The following CACNA1B variants were observed in gnomAD, a reference collection of about 807,000 sequenced individuals.
CACNA1B encodes voltage-dependent N-type calcium channel subunit alpha-1B.
CACNA1B carries 70 observed loss-of-function variants against 247.2 expected under a neutral mutation model. That is an observed-to-expected ratio of 0.28 (90% CI 0.23 to 0.35). The LOEUF (loss-of-function observed/expected upper bound fraction) is 0.35. CACNA1B is among the 10% of genes least tolerant of loss of function. The probability of loss-of-function intolerance (pLI) is 1.00; values close to 1 mark genes in which losing one functional copy is unlikely to be tolerated. For synonymous variants in CACNA1B, 1,231 were observed against 1,294.4 expected (o/e 0.95, Z 1.05); for missense variants, 2,367 against 3,197.4 (o/e 0.74, Z 6.26).
Position 138,051,963 on chromosome 9 carries a change from C to T in CACNA1B, c.3711-129C>T, listed in dbSNP as rs1380581305. The stretch of plus-strand genomic sequence containing the variant: ...CCTGCAGGGCAAGGCCTCTCTGCTC[C>T]TGGGTCCTCCACCCTGGAGTCTGAG... On this transcript the variant is annotated intron_variant, in intron 24 of 46. Coordinates refer to ENST00000371372, the MANE Select transcript of CACNA1B (RefSeq NM_000718.4). This position sits in a 1 kb window ranked among gnomAD's most constrained non-coding sequence, Gnocchi z 4.3. The T allele has an allele frequency of 1.7e-6, 1 of 599,622 alleles. No homozygotes were observed. The highest frequency in any genetic ancestry group is 3.0e-6 in the Non-Finnish European group (1 of 330,454). 37.1% of individuals were successfully genotyped at this position (599,622 alleles called of 1,614,324 possible). A position where few individuals can be genotyped will look rare whatever the true frequency, so the allele number is the denominator to read the frequency against.
rs28544504 is a variant in CACNA1B at position 138,122,481 on chromosome 9, G to A, written c.*482G>A. 6,357 of 161,270 alleles carry A rather than the reference G, an allele frequency of 0.039. 423 individuals are homozygous for A. Among genetic ancestry groups the A allele is most frequent in the African/African-American group, 0.14 (5,793 of 41,766 alleles). The allele number at this position is 161,270 out of a possible 1,614,324, so 10.0% of individuals were successfully genotyped here. A position where few individuals can be genotyped will look rare whatever the true frequency, so the allele number is the denominator to read the frequency against. On this transcript the variant is annotated 3_prime_UTR_variant, in exon 47 of 47. Coordinates refer to ENST00000371372, the MANE Select transcript of CACNA1B (RefSeq NM_000718.4). ...GACACAGTCGTGGCTTGTGCAGCCCGCCAGTGTCAGCGAATGCTCACTCAG... is the reference window on the plus strand; with the variant it reads ...GACACAGTCGTGGCTTGTGCAGCCCACCAGTGTCAGCGAATGCTCACTCAG...
At chr9:137,932,364 T>A (rs1957617591) in intron 6 of CACNA1B, among the ~76,000 whole-genome samples, 1 of 152,214 alleles carries the variant, frequency 6.6e-6, no homozygotes. Context: ...TTTTGGGAGC[T>A]AAATAACAAG....
At position 138,054,370 on chromosome 9, in the gene CACNA1B, C is replaced by T. The variant is rs546381743; in HGVS notation, c.3968+364C>T. ...GGGCTGTAAGGTCAGAGGGGCTGCC[C>T]GATGGCTGGAGCTGCTGTCACTGTC... On this transcript the variant is annotated intron_variant, in intron 26 of 46. Coordinates refer to ENST00000371372, the MANE Select transcript of CACNA1B (RefSeq NM_000718.4). This position sits in a 1 kb window ranked among gnomAD's most constrained non-coding sequence, Gnocchi z 4.6. Among the ~76,000 whole-genome samples, 10 of 152,304 alleles carry T rather than the reference C, an allele frequency of 6.6e-5. No homozygotes were observed. The highest frequency in any genetic ancestry group is 5.8e-4 in the East Asian group (3 of 5,184).
At chr9:137,924,331 CCCTTCCTTCCTCCTTCCCTCCCT>C (rs1957526664) in intron 6 of CACNA1B, among the ~76,000 whole-genome samples, 1 of 148,840 alleles carries the variant, frequency 6.7e-6, no homozygotes, top group Non-Finnish European at 1.5e-5. Flanking sequence ...CTTCCTCCCT[CCCTTCCTTCCTCCTTCCCTCCCT>C]CCTTCCCTCC....
chr9:138,067,046 G>A (rs563847949), intron 31 of CACNA1B, among the ~76,000 whole-genome samples: 108 of 152,288 alleles, frequency 7.1e-4, no homozygotes, highest in African/African-American at 2.4e-3. Flanking sequence ...GGTCATGATG[G>A]TAGGTACAGG....
At chr9:138,053,711 C>A in intron 25 of CACNA1B, 135 bp from the exon 26 acceptor site, 1 of 686,074 alleles carries the variant, frequency 1.5e-6, no homozygotes, top group Non-Finnish European at 2.6e-6. Flanking sequence ...TCCCTTACGG[C>A]CATGCCCTCC....
chr9:138,022,805 T>TCG (rs1434549598), intron 18 of CACNA1B, among the ~76,000 whole-genome samples: 4 of 131,958 alleles, frequency 3.0e-5, no homozygotes, highest in Non-Finnish European at 5.2e-5. Context: ...TGGGACACCG[T>TCG]GGGGGGGGGG....
intron 10 of CACNA1B, among the ~76,000 whole-genome samples, chr9:137,970,382 C>T (rs1437989343): frequency 6.6e-6 from 1 of 152,230 alleles, no homozygotes; most frequent in African/African-American, 2.4e-5. Flanking sequence ...AGCTCCTGTA[C>T]AGACACACCT....
At chr9:138,063,273 A>G (rs1197088222) in intron 31 of CACNA1B, among the ~76,000 whole-genome samples, 1 of 152,188 alleles carries the variant, frequency 6.6e-6, no homozygotes, top group African/African-American at 2.4e-5. Flanking sequence ...TAGAAAGATC[A>G]CTTCAGCCTA....
chr9:138,023,749 G>A lies in CACNA1B; in HGVS notation c.3006G>A (p.Thr1002=), dbSNP rs1362026962. The change falls in exon 19 of 47, where the codon ACG becomes ACA. Residue 1002 remains threonine, a synonymous_variant. Transcript: ENST00000371372. ...AGGAGACCACGGAGAAGGAGGCCAC[G>A]GAGAAGGAGGCTGAGATAGTGGAAG... ...VEKETTEKEA[T]EKEAEIVEAD... is the part of the protein sequence containing the mutation. The A allele has an allele frequency of 3.3e-6, 5 of 1,536,316 alleles. No individual in the cohort carries two copies. The highest frequency in any genetic ancestry group is 3.9e-5 in the Admixed American group (2 of 50,894).
chr9:138,108,461 G>A (rs1208056431), intron 39 of CACNA1B, among the ~76,000 whole-genome samples: 1 of 152,020 alleles, frequency 6.6e-6, no homozygotes, highest in Non-Finnish European at 1.5e-5. Flanking sequence ...AAGAAATAAT[G>A]CCAATTCTGT....
chr9:138,047,519 A>G, intron 23 of CACNA1B, 61 bp downstream of exon 23: 1 of 1,201,472 alleles, frequency 8.3e-7, no homozygotes. Flanking sequence ...CATGATTGAG[A>G]TGGGACCAGG....
rs1959634667 is a variant in CACNA1B at position 138,059,369 on chromosome 9, T to A, written c.4584+180T>A. Among the ~76,000 whole-genome samples, 1 of 152,170 alleles carries A rather than the reference T, an allele frequency of 6.6e-6. No homozygotes were observed. The highest frequency in any genetic ancestry group is 2.4e-5 in the African/African-American group (1 of 41,444). ...CTGAGACTCTTGGCTACATAAGCTC[T>A]GCCCCCAGCCTAGGTCCTGGGAGGG... On this transcript the variant is annotated intron_variant, in intron 30 of 46. Transcript: ENST00000371372. The surrounding 1 kb of genome is among the most constrained non-coding windows in gnomAD (Gnocchi z 4.2).
rs769243467 is a variant in CACNA1B, at chr9:138,100,426, C to T, written c.5223-2285C>T. Among the ~76,000 whole-genome samples, 19 of 152,246 alleles carry T rather than the reference C, an allele frequency of 1.2e-4. No homozygotes were observed. The highest frequency in any genetic ancestry group is 6.2e-4 in the South Asian group (3 of 4,820). On this transcript the variant is annotated intron_variant, in intron 37 of 46. Transcript: ENST00000371372. The surrounding 1 kb of genome is among the most constrained non-coding windows in gnomAD (Gnocchi z 4.6). ...CAGCTGGGGAGGGTGGGGGGTCTCACGTGTGTCCAGCCCCCCGTGGTGGTC... is the reference window on the plus strand; with the variant it reads ...CAGCTGGGGAGGGTGGGGGGTCTCATGTGTGTCCAGCCCCCCGTGGTGGTC...
chr9:137,990,875 C>T lies in CACNA1B; in HGVS notation c.1974+4021C>T, dbSNP rs1357286513. ...AAAACAGTCATTGCAGTTTGGCTCTCAGGAAGCCCCATTCCTCAGGGCAGG... is the reference window on the plus strand; with the variant it reads ...AAAACAGTCATTGCAGTTTGGCTCTTAGGAAGCCCCATTCCTCAGGGCAGG... On this transcript the variant is annotated intron_variant, in intron 15 of 46. Transcript: ENST00000371372. This position sits in a 1 kb window ranked among gnomAD's most constrained non-coding sequence, Gnocchi z 4.5. 6.6e-6 allele frequency among the ~76,000 whole-genome samples: 1 copy of T among 152,238 alleles called. No individual in the cohort carries two copies. Among genetic ancestry groups the T allele is most frequent in the Admixed American group, 6.5e-5 (1 of 15,284 alleles).
chr9:137,976,064 G>A, intron 12 of CACNA1B, 45 bp downstream of exon 12: 1 of 1,183,678 alleles, frequency 8.4e-7, no homozygotes, highest in Non-Finnish European at 1.3e-6. Flanking sequence ...ATCCTTTCCT[G>A]CAGGTGCACA....
chr9:138,000,334 G>C (rs7022795), intron 15 of CACNA1B, among the ~76,000 whole-genome samples: 1 of 151,850 alleles, frequency 6.6e-6, no homozygotes, highest in African/African-American at 2.4e-5. Context: ...TCCTGACCTC[G>C]TGATCAGCCC....
At chr9:138,028,365 C>T (rs866240762) in intron 20 of CACNA1B, among the ~76,000 whole-genome samples, 5 of 151,990 alleles carry the variant, frequency 3.3e-5, no homozygotes, top group African/African-American at 7.3e-5. Flanking sequence ...GTTATGTGTC[C>T]GCTAAAAATT....
At chr9:138,109,178 C>G (rs1301192317) in intron 39 of CACNA1B, among the ~76,000 whole-genome samples, 1 of 152,188 alleles carries the variant, frequency 6.6e-6, no homozygotes, top group Admixed American at 6.5e-5. Context: ...AATCATGTAT[C>G]ATAGACTCAC....
Sources: allele counts gnomAD v4.1 joint callset (sites outside exome capture counted in the v4.1 genomes callset), GRCh38; gene constraint gnomAD v4.1.1; non-coding constraint Gnocchi (gnomAD v3.1); transcripts MANE v1.5; gene names NCBI Gene and HGNC (gene_info 2026-07-23, HGNC 2026-07-21).